Variants in ALG1 observed in about 807,000 individuals in gnomAD.
The protein encoded by ALG1 is chitobiosyldiphosphodolichol beta-mannosyltransferase.
A neutral mutation model predicts 55.1 loss-of-function variants in ALG1; 58 were observed. The ratio of observed to expected loss-of-function variants is 1.05; its 90% confidence interval spans 0.85 to 1.31. ALG1 has a LOEUF of 1.31. Ranked by LOEUF, ALG1 falls within the 50% of genes most tolerant of loss-of-function variation. The pLI, the probability that ALG1 is intolerant of heterozygous loss-of-function variation, is 0.00. For synonymous variants in ALG1, 309 were observed against 247.0 expected (o/e 1.25, Z -2.35); for missense variants, 761 against 598.6 (o/e 1.27, Z -2.83).
In ALG1 at chr16:5,084,665, C is replaced by T. The variant is rs1416957738; in HGVS notation, c.1264-85C>T. ...GACTTGGGAGGGGTTGTTGTTGGGT[C>T]GGGGACCTGGGGTCAGCCAGGTGGT... On this transcript the variant is annotated intron_variant, in intron 12 of 12. Transcript: ENST00000262374. 47 of 1,584,484 alleles carry T rather than the reference C, an allele frequency of 3.0e-5. No individual in the cohort carries two copies. In the Admixed American group the frequency reaches 3.1e-4, roughly 10 times the overall value.
chr16:5,083,535 C>CT lies in ALG1; in HGVS notation c.1188-146dup, dbSNP rs1596262707. ...CCTTTATACCCTTCAGATGCCAAAT[C>CT]TAAGAACCAGCTCCCGGAAACCACA... On this transcript the variant is annotated intron_variant, in intron 11 of 12. Transcript: ENST00000262374. 45 of 1,513,670 alleles carry CT rather than the reference C, an allele frequency of 3.0e-5. No individual in the cohort carries two copies. In the East Asian group the frequency reaches 8.0e-4, roughly 27 times the overall value. The allele number at this position is 1,513,670 out of a possible 1,614,324, so 93.8% of individuals were successfully genotyped here. A position where few individuals can be genotyped will look rare whatever the true frequency, so the allele number is the denominator to read the frequency against.
Position 5,086,259 on chromosome 16 carries a change from C to A in ALG1, c.*1378C>A, listed in dbSNP as rs1181390495. On this transcript the variant is annotated 3_prime_UTR_variant, in exon 13 of 13. Transcript: ENST00000262374. ...CTGAGGTGGGAGAATTGCTTGAACC[C>A]AGGAGGTGGAGGTTGCAGTGAGCTG... Among the ~76,000 whole-genome samples, 2 of 150,614 alleles carry A rather than the reference C, an allele frequency of 1.3e-5. No homozygotes were observed. The highest frequency in any genetic ancestry group is 3.0e-5 in the Non-Finnish European group (2 of 67,772).
intron 4 of ALG1, 124 bp from the exon 5 acceptor site, chr16:5,077,321 G>C: frequency 1.2e-6 from 1 of 825,432 alleles, no homozygotes; most frequent in Non-Finnish European, 2.1e-6. Flanking sequence ...GGCACAGCTG[G>C]GGCTCAGGGA....
In ALG1 at chr16:5,078,765, C is replaced by G; in HGVS notation, c.749C>G (p.Pro250Arg). ...MHSPFRARSE[P>R]EDPVTERSAF... ...TTTTTCTGCTCCTTCAGCTCAGAAC[C>G]TGAGGACCCAGTCACGGAGCGGTCG... The change falls in exon 7 of 13, where the codon CCT becomes CGT. Residue 250 changes from proline (P) to arginine (R), a missense_variant. Coordinates refer to ENST00000262374, the MANE Select transcript of ALG1 (RefSeq NM_019109.5). 6.2e-7 allele frequency: 1 copy of G among 1,612,940 alleles called. No individual in the cohort carries two copies. The highest frequency in any genetic ancestry group is 1.1e-5 in the South Asian group (1 of 91,030).
intron 1 of ALG1, chr16:5,072,454 T>C (rs1218636101): frequency 1.9e-5 from 8 of 413,920 alleles, no homozygotes; most frequent in Non-Finnish European, 3.0e-5. Context: ...TTTTCATTTG[T>C]TCTTCATGTC....
rs187192270 is a variant in ALG1 at position 5,074,992 on chromosome 16, C to T, written c.391-396C>T. Among the ~76,000 whole-genome samples, 192 of 152,278 alleles carry T rather than the reference C, an allele frequency of 1.3e-3. 1 individual carries two copies. The highest frequency in any genetic ancestry group is 3.2e-3 in the Admixed American group (49 of 15,292). The stretch of plus-strand genomic sequence containing the variant: ...ATCATAGCTTAACTGCAGCCTCATC[C>T]TCCTGGGCTCAAGTGATCCTACCTC... On this transcript the variant is annotated intron_variant, in intron 3 of 12. Coordinates refer to ENST00000262374, the MANE Select transcript of ALG1 (RefSeq NM_019109.5).
chr16:5,071,845 C>T lies in ALG1; in HGVS notation c.-5C>T, dbSNP rs1398549304. The T allele has an allele frequency of 6.2e-7, 1 of 1,603,348 alleles. No individual in the cohort carries two copies. Among genetic ancestry groups the T allele is most frequent in the Admixed American group, 1.7e-5 (1 of 59,828 alleles). ...CGGTCACGTGACTGCTGCGGGCCAG[C>T]CAAGATGGCGGCCTCATGCTTGGTC... On this transcript the variant is annotated 5_prime_UTR_variant, in exon 1 of 13. Coordinates refer to ENST00000262374, the MANE Select transcript of ALG1 (RefSeq NM_019109.5).
intron 5 of ALG1, 131 bp downstream of exon 5, chr16:5,077,665 T>G: frequency 8.9e-7 from 1 of 1,124,232 alleles, no homozygotes; most frequent in Non-Finnish European, 1.3e-6. Flanking sequence ...GGAGGTGGTC[T>G]TTGGTTTGGG....
Position 5,072,013 on chromosome 16 carries a change from C to T in ALG1, c.164C>T (p.Ser55Leu), listed in dbSNP as rs1396797615. ...RSPRMQYHAL[S>L]LAMHGFSVTL... ...CCCCGTATGCAGTACCACGCGCTGT[C>T]GTTGGCCATGCACGGCTTCTCGGTG... The change falls in exon 1 of 13, where the codon TCG becomes TTG. Residue 55 changes from serine to leucine, a missense_variant. Physicochemically the swap from Ser to Leu is moderately radical, Grantham distance 145. Coordinates refer to ENST00000262374, the MANE Select transcript of ALG1 (RefSeq NM_019109.5). 6.3e-7 allele frequency: 1 copy of T among 1,597,848 alleles called. No individual in the cohort carries two copies. Among genetic ancestry groups the T allele is most frequent in the South Asian group, 1.1e-5 (1 of 88,862 alleles).
In ALG1 at chr16:5,075,463, T is replaced by A. The variant is rs1956893334; in HGVS notation, c.466T>A (p.Trp156Arg). The change falls in exon 4 of 13, where the codon TGG (tryptophan) becomes AGG (arginine). Residue 156 changes from tryptophan (W) to arginine (R), a missense_variant. Transcript: ENST00000262374. ...CLCGSKLVID[W>R]HNYGYSIMGL... ...TTGTGGAAGCAAGCTCGTCATTGAC[T>A]GGCACAACTATGGCTACTCCATCAT... The A allele has an allele frequency of 6.2e-7, 1 of 1,614,224 alleles. No homozygotes were observed. Among genetic ancestry groups the A allele is most frequent in the Non-Finnish European group, 8.5e-7 (1 of 1,180,040 alleles).
At position 5,084,387 on chromosome 16, in the gene ALG1, G is replaced by A. The variant is rs535821549; in HGVS notation, c.1264-363G>A. 23 of 439,130 alleles carry A rather than the reference G, an allele frequency of 5.2e-5. No individual in the cohort carries two copies. In the Admixed American group the frequency reaches 7.0e-4, roughly 13 times the overall value. The allele number at this position is 439,130 out of a possible 1,614,324, so 27.2% of individuals were successfully genotyped here. A position where few individuals can be genotyped will look rare whatever the true frequency, so the allele number is the denominator to read the frequency against. ...GCTGTAGTTTGTGATCCTTGATTCA[G>A]ACAGTTTAGCAAGGCTGCAAAGAAC... On this transcript the variant is annotated intron_variant, in intron 12 of 12. Transcript: ENST00000262374.
At chr16:5,074,079 T>C (rs1956866982) in intron 3 of ALG1, among the ~76,000 whole-genome samples, 1 of 152,154 alleles carries the variant, frequency 6.6e-6, no homozygotes, top group Non-Finnish European at 1.5e-5. Context: ...CTTTCTTTTC[T>C]AGCTGAAGGA....
intron 4 of ALG1, among the ~76,000 whole-genome samples, 162 bp from the exon 5 acceptor site, chr16:5,077,283 G>A (rs1031819509): frequency 2.6e-5 from 4 of 152,076 alleles, no homozygotes; most frequent in African/African-American, 7.2e-5. Flanking sequence ...CATAAAGGAG[G>A]GTATATACAG....
At chr16:5,072,268 A>C in intron 1 of ALG1, 2 of 1,461,764 alleles carry the variant, frequency 1.4e-6, no homozygotes, top group Non-Finnish European at 1.8e-6. Context: ...AAGTGTGTTA[A>C]GTGAATCCAT....
At chr16:5,076,066 C>A (rs1000262891) in intron 4 of ALG1, among the ~76,000 whole-genome samples, 6 of 152,156 alleles carry the variant, frequency 3.9e-5, no homozygotes, top group African/African-American at 1.4e-4. Context: ...GAGAAGTGGG[C>A]CACAGTTGCT....
intron 9 of ALG1, among the ~76,000 whole-genome samples, chr16:5,080,347 A>G (rs1807528): frequency 0.95 from 145,197 of 152,250 alleles, 69,520 homozygotes; most frequent in East Asian, 1. Context: ...TTACAGGCAC[A>G]AATCACTGTG....
chr16:5,084,219 G>A (rs1046101903), intron 12 of ALG1: 19 of 284,452 alleles, frequency 6.7e-5, no homozygotes, highest in Non-Finnish European at 1.1e-4. Flanking sequence ...CGTTTAGACT[G>A]GGTTCCCCAG....
intron 9 of ALG1, among the ~76,000 whole-genome samples, chr16:5,080,203 G>A (rs551908990): frequency 1.2e-4 from 18 of 151,904 alleles, no homozygotes; most frequent in African/African-American, 4.3e-4. Flanking sequence ...GAGTGGCTGG[G>A]ACTACAGGTG....
intron 6 of ALG1, 75 bp from the exon 7 acceptor site, chr16:5,078,682 C>T (rs755682463): frequency 8.1e-6 from 13 of 1,611,368 alleles, no homozygotes; most frequent in South Asian, 1.1e-5. Context: ...CAGGCCTCGC[C>T]ACGGCAGGAG....
Sources: gnomAD v4.1 joint callset for allele counts (sites outside exome capture counted in the v4.1 genomes callset) on GRCh38, gnomAD v4.1.1 for gene constraint, MANE v1.5 for transcripts, NCBI Gene and HGNC (gene_info 2026-07-23, HGNC 2026-07-21) for gene names.